The following CDHR3 variants were observed in gnomAD, a reference collection of about 807,000 sequenced individuals.
The protein encoded by CDHR3 is cadherin related family member 3, also known as cadherin-related family member 3.
CDHR3 carries 79 observed loss-of-function variants against 86.6 expected under a neutral mutation model. The ratio of observed to expected loss-of-function variants is 0.91; its 90% confidence interval spans 0.76 to 1.10. CDHR3 has a LOEUF of 1.10. Among genes scored for constraint, CDHR3 ranks in the 50% least tolerant of loss-of-function variants. The pLI is 0.00. For synonymous variants in CDHR3, 421 were observed against 402.4 expected, an observed-to-expected ratio of 1.05 and a Z score of -0.55; for missense variants, 1,081 against 1,077.6, an observed-to-expected ratio of 1.00 and a Z score of -0.04.
At chr7:106,028,916 T>TTTTCTTTCTTTC (rs1167671014) in intron 17 of CDHR3, among the ~76,000 whole-genome samples, 2,322 of 82,890 alleles carry the variant, frequency 0.028, 152 homozygotes, top group South Asian at 0.036. Flanking sequence ...GAGATTTAAA[T>TTTTCTTTCTTTC]TTTCTTTCTT....
At chr7:105,971,914 T>C (rs1418727755) in intron 1 of CDHR3, among the ~76,000 whole-genome samples, 1 of 152,196 alleles carries the variant, frequency 6.6e-6, no homozygotes, top group Non-Finnish European at 1.5e-5. Flanking sequence ...GGTCAATTTC[T>C]TACCAGCCCC....
intron 14 of CDHR3, 32 bp downstream of exon 14, chr7:106,022,480 A>C (rs376590501): frequency 2.1e-4 from 338 of 1,604,488 alleles, no homozygotes; most frequent in Non-Finnish European, 2.8e-4. Context: ...ATCCCCAGGC[A>C]CATTCCCTTG....
Position 106,017,917 on chromosome 7 carries a change from T to C in CDHR3, c.1498T>C (p.Ser500Pro). Reference protein sequence around the residue: ...LPQSSLLYSISTGGASLQYPN... With the variant: ...LPQSSLLYSIPTGGASLQYPN... Reference sequence around the variant, plus strand: ...CCAGAGCAGCCTCCTGTACTCCATCTCCACTGGAGGGGCCAGCCTCCAGTA... The same window carrying C: ...CCAGAGCAGCCTCCTGTACTCCATCCCCACTGGAGGGGCCAGCCTCCAGTA... Residue 500 changes from serine to proline, a missense_variant, in exon 12 of 19, where the codon TCC becomes CCC. Transcript: ENST00000317716. The C allele has an allele frequency of 6.2e-7, 1 of 1,610,708 alleles. No homozygotes were observed.
In CDHR3 at chr7:106,012,959, CT is replaced by C. The variant is rs753176493; in HGVS notation, c.1154del (p.Phe385SerfsTer25). ...GTGAGGCACCAAACAACAGATTCAA[CT>C]TCACCATGCCATCTGGAGTGGGGAG... Reference protein sequence around the residue: ...DSEAPNNRFNFTMPSGVGSGS... With the variant: ...DSEAPNNRFNXTMPSGVGSGS... On this transcript the variant is annotated frameshift_variant, in exon 9 of 19. Coordinates refer to ENST00000317716, the MANE Select transcript of CDHR3 (RefSeq NM_152750.5). LOFTEE classifies it high-confidence loss of function. 3.1e-6 allele frequency: 5 copies of C among 1,613,696 alleles called. No individual in the cohort carries two copies. In the African/African-American group the frequency reaches 6.7e-5, roughly 22 times the overall value.
At chr7:105,977,799 C>T (rs1451672868) in intron 2 of CDHR3, among the ~76,000 whole-genome samples, 6 of 152,300 alleles carry the variant, frequency 3.9e-5, no homozygotes, top group East Asian at 1.9e-4. Flanking sequence ...TTTGTACTTT[C>T]TGGGGGTAAA....
chr7:106,020,311 A>G, intron 12 of CDHR3, 62 bp from the exon 13 acceptor site: 1 of 1,433,076 alleles, frequency 7.0e-7, no homozygotes, highest in South Asian at 1.4e-5. Flanking sequence ...AAAACTGCCT[A>G]CACACAGTAA....
intron 1 of CDHR3, among the ~76,000 whole-genome samples, chr7:105,966,705 C>T (rs1826988608): frequency 6.6e-6 from 1 of 152,124 alleles, no homozygotes; most frequent in Non-Finnish European, 1.5e-5. Context: ...AAAGACAGTC[C>T]CTTCTCTCAG....
intron 16 of CDHR3, 110 bp downstream of exon 16, chr7:106,026,805 A>G (rs1837423402): frequency 1.4e-5 from 16 of 1,119,786 alleles, no homozygotes; most frequent in East Asian, 2.4e-5. Flanking sequence ...ATCTTGGAGC[A>G]TTTTCAGCTG....
At chr7:105,998,461 G>A (rs1832605694) in intron 6 of CDHR3, among the ~76,000 whole-genome samples, 1 of 152,180 alleles carries the variant, frequency 6.6e-6, no homozygotes, top group Non-Finnish European at 1.5e-5. Flanking sequence ...CATGCTCCAG[G>A]AGTCTGCCAT....
chr7:106,020,366 A>G lies in CDHR3; in HGVS notation c.1654-7A>G, dbSNP rs777063092. ...TATTGAGAATGACCACCTTCTTGCT[A>G]CTCTAGGTTACTGTGAACATCCTTG... On this transcript the variant is annotated splice_region_variant and splice_polypyrimidine_tract_variant and intron_variant, in intron 12 of 18. Coordinates refer to ENST00000317716, the MANE Select transcript of CDHR3 (RefSeq NM_152750.5). 3.1e-6 allele frequency: 5 copies of G among 1,596,504 alleles called. No homozygotes were observed. The highest frequency in any genetic ancestry group is 2.3e-5 in the East Asian group (1 of 44,132).
rs201055622 is a variant in CDHR3 at position 106,004,676 on chromosome 7, G to T, written c.1041G>T (p.Lys347Asn). ...DVNDNPATCQ[K>N]FTFSIMVPER... ...ACGACAATCCTGCCACATGCCAAAA[G>T]TTCACCTTCAGGTATGCACACTTTG... Residue 347 changes from lysine (K) to asparagine (N), a missense_variant, in exon 8 of 19, where the codon AAG (lysine) becomes AAT (asparagine). Transcript: ENST00000317716. 114 of 1,614,004 alleles carry T rather than the reference G, an allele frequency of 7.1e-5. No individual in the cohort carries two copies. Among genetic ancestry groups the T allele is most frequent in the African/African-American group, 9.3e-5 (7 of 75,036 alleles).
chr7:106,001,514 G>A lies in CDHR3; in HGVS notation c.766G>A (p.Ala256Thr), dbSNP rs758905637. The A allele has an allele frequency of 1.2e-6, 2 of 1,613,868 alleles. No individual in the cohort carries two copies. The highest frequency in any genetic ancestry group is 2.7e-5 in the African/African-American group (2 of 74,912). Residue 256 changes from alanine (A) to threonine (T), a missense_variant, in exon 7 of 19, where the codon GCC (alanine) becomes ACC (threonine). By Grantham distance (58) the Ala-to-Thr change is moderately conservative (BLOSUM62 0). Transcript: ENST00000317716. ...LEELSPGTIV[A>T]NITAEDPDDE... is the part of the protein sequence containing the mutation. Reference sequence around the variant, plus strand: ...GGAACTGAGTCCAGGAACCATCGTGGCCAATATCACAGCGGAGGATCCTGA... The same window carrying A: ...GGAACTGAGTCCAGGAACCATCGTGACCAATATCACAGCGGAGGATCCTGA...
intron 3 of CDHR3, among the ~76,000 whole-genome samples, chr7:105,983,926 C>T (rs1251721864): frequency 6.6e-6 from 1 of 152,184 alleles, no homozygotes; most frequent in Non-Finnish European, 1.5e-5. Flanking sequence ...CCTCAAACAG[C>T]ATCACCCTGG....
intron 4 of CDHR3, among the ~76,000 whole-genome samples, chr7:105,993,501 C>T (rs1264717277): frequency 6.8e-6 from 1 of 147,242 alleles, no homozygotes; most frequent in Admixed American, 6.7e-5. Context: ...GAAACCCTGT[C>T]TCTACAAAAA....
intron 15 of CDHR3, 138 bp from the exon 16 acceptor site, chr7:106,026,543 GC>G (rs1476302315): frequency 1.3e-6 from 1 of 796,322 alleles, no homozygotes; most frequent in African/African-American, 1.7e-5. Flanking sequence ...TTTCTTTCTG[GC>G]CCCTATCCCT....
At chr7:105,983,756 C>T (rs1322676104) in intron 3 of CDHR3, among the ~76,000 whole-genome samples, 2 of 152,174 alleles carry the variant, frequency 1.3e-5, no homozygotes, top group Non-Finnish European at 2.9e-5. Flanking sequence ...TTCAACGGCT[C>T]ATTTCTGCGG....
At chr7:106,031,475 G>C (rs572073297) in intron 18 of CDHR3, among the ~76,000 whole-genome samples, 137 of 152,300 alleles carry the variant, frequency 9.0e-4, no homozygotes, top group African/African-American at 3.1e-3. Flanking sequence ...CCAAATTCAG[G>C]AGGCAAGTGT....
At chr7:105,969,449 A>T (rs1827580624) in intron 1 of CDHR3, among the ~76,000 whole-genome samples, 1 of 147,862 alleles carries the variant, frequency 6.8e-6, no homozygotes, top group African/African-American at 2.5e-5. Context: ...GGGTCCTAGG[A>T]GTTTCTGAAT....
chr7:106,025,957 A>T (rs1216019008), intron 15 of CDHR3, among the ~76,000 whole-genome samples: 1 of 152,212 alleles, frequency 6.6e-6, no homozygotes, highest in Non-Finnish European at 1.5e-5. Context: ...GTTCTTGAAG[A>T]AACAAATCCA....
Sources: gnomAD v4.1 joint callset for allele counts (sites outside exome capture counted in the v4.1 genomes callset) on GRCh38, gnomAD v4.1.1 for gene constraint, MANE v1.5 for transcripts, NCBI Gene and HGNC (gene_info 2026-07-23, HGNC 2026-07-21) for gene names.